The following RBFOX1 variants were observed in gnomAD, a reference collection of about 807,000 sequenced individuals.
The protein encoded by RBFOX1 is RNA binding protein fox-1 homolog 1.
A neutral mutation model predicts 57.7 loss-of-function variants in RBFOX1; 8 were observed. That is an observed-to-expected ratio of 0.14 (90% CI 0.08 to 0.25). RBFOX1 has a LOEUF of 0.25. Among genes scored for constraint, RBFOX1 ranks in the 10% least tolerant of loss-of-function variants. RBFOX1 has a pLI of 1.00. For missense variants in RBFOX1, 611 were observed against 548.5 expected (o/e 1.11, Z -1.14); for synonymous variants, 326 against 222.4 (o/e 1.47, Z -4.15).
intron 1 of RBFOX1, among the ~76,000 whole-genome samples, chr16:6,167,503 G>T (rs192219381): frequency 6.6e-6 from 1 of 151,946 alleles, no homozygotes; most frequent in African/African-American, 2.4e-5. Context: ...TTTGTTTAAC[G>T]GTTTTATTAC....
chr16:7,650,447 C>T (rs970311451), intron 11 of RBFOX1, among the ~76,000 whole-genome samples: 5 of 152,000 alleles, frequency 3.3e-5, no homozygotes, highest in Non-Finnish European at 7.4e-5. Flanking sequence ...CTTGGGAGAG[C>T]CCAAAGAACC....
intron 3 of RBFOX1, among the ~76,000 whole-genome samples, chr16:5,681,820 T>G (rs1028039555): frequency 6.6e-5 from 10 of 152,142 alleles, no homozygotes; most frequent in African/African-American, 2.2e-4. Flanking sequence ...GTGTCTGAGA[T>G]ATTAATATAC....
chr16:6,962,360 A>G (rs1362372510), intron 3 of RBFOX1, among the ~76,000 whole-genome samples: 1 of 152,204 alleles, frequency 6.6e-6, no homozygotes, highest in Non-Finnish European at 1.5e-5. Flanking sequence ...ACACATTCAT[A>G]GGTAGCAAGG....
chr16:6,453,200 T>C (rs1026397261), intron 2 of RBFOX1, among the ~76,000 whole-genome samples: 3 of 152,062 alleles, frequency 2.0e-5, no homozygotes, highest in African/African-American at 7.2e-5. Context: ...GCCACAGTGG[T>C]TTGCTGCACC....
chr16:7,035,877 A>G (rs1438733996), intron 3 of RBFOX1, among the ~76,000 whole-genome samples: 1 of 149,764 alleles, frequency 6.7e-6, no homozygotes, highest in Non-Finnish European at 1.5e-5. Flanking sequence ...GAAGAATGTG[A>G]ACACAGACAC....
At chr16:6,865,723 T>G (rs964908957) in intron 3 of RBFOX1, among the ~76,000 whole-genome samples, 2 of 152,202 alleles carry the variant, frequency 1.3e-5, no homozygotes, top group Admixed American at 1.3e-4. Flanking sequence ...GCCTCTCATT[T>G]GCTATTTTAT....
chr16:7,010,953 G>A (rs962976194), intron 3 of RBFOX1, among the ~76,000 whole-genome samples: 2 of 152,220 alleles, frequency 1.3e-5, no homozygotes, highest in Non-Finnish European at 2.9e-5. Flanking sequence ...AGGGCCTTGG[G>A]CAAGAGGATA....
intron 5 of RBFOX1, among the ~76,000 whole-genome samples, chr16:7,573,770 G>C (rs2093032351): frequency 6.6e-6 from 1 of 151,930 alleles, no homozygotes; most frequent in Admixed American, 6.6e-5. Context: ...GGGAGGCAGA[G>C]GTTGCAGTGA....
At chr16:5,347,648 C>A (rs190347692) in intron 1 of RBFOX1, among the ~76,000 whole-genome samples, 2 of 150,186 alleles carry the variant, frequency 1.3e-5, no homozygotes, top group Non-Finnish European at 3.0e-5. Flanking sequence ...ACCCATCTAC[C>A]CATCTACCCA....
intron 2 of RBFOX1, among the ~76,000 whole-genome samples, chr16:6,394,113 A>C (rs1031080964): frequency 2.0e-5 from 3 of 152,234 alleles, no homozygotes; most frequent in African/African-American, 2.4e-5. Context: ...ACAGGGCACT[A>C]GTGTTCCAAG....
chr16:6,743,422 G>C (rs922784737), intron 3 of RBFOX1, among the ~76,000 whole-genome samples: 10 of 152,148 alleles, frequency 6.6e-5, no homozygotes, highest in African/African-American at 2.4e-4. Context: ...TGTGTTATAA[G>C]AAGCACATTT....
intron 5 of RBFOX1, among the ~76,000 whole-genome samples, chr16:7,531,950 C>A (rs1401082020): frequency 5.3e-5 from 8 of 152,176 alleles, no homozygotes; most frequent in East Asian, 1.9e-4. Context: ...GTGAAAGAGG[C>A]CTTCATACCA....
intron 4 of RBFOX1, among the ~76,000 whole-genome samples, chr16:7,305,084 T>G (rs958212817): frequency 6.6e-6 from 1 of 151,560 alleles, no homozygotes; most frequent in Non-Finnish European, 1.5e-5. Flanking sequence ...GTGAGCTGTT[T>G]AGGATGTTGT....
intron 3 of RBFOX1, chr16:6,705,607 G>A (rs1050006238): frequency 6.6e-6 from 1 of 152,130 alleles, no homozygotes; most frequent in African/African-American, 2.4e-5. Flanking sequence ...ACTCAGCTAT[G>A]AAATATACAA....
intron 7 of RBFOX1, among the ~76,000 whole-genome samples, chr16:7,589,449 G>A (rs1415567144): frequency 6.6e-6 from 1 of 151,882 alleles, no homozygotes; most frequent in Non-Finnish European, 1.5e-5. Flanking sequence ...TCAGGAAAAA[G>A]ACCATTTAAG....
intron 2 of RBFOX1, among the ~76,000 whole-genome samples, chr16:6,392,753 C>G (rs2092661994): frequency 6.6e-6 from 1 of 152,208 alleles, no homozygotes; most frequent in East Asian, 1.9e-4. Flanking sequence ...GCTAAATTCC[C>G]TCCTTCCTTT....
intron 4 of RBFOX1, among the ~76,000 whole-genome samples, chr16:7,330,875 G>C (rs1387412471): frequency 6.6e-6 from 1 of 152,162 alleles, no homozygotes; most frequent in Non-Finnish European, 1.5e-5. Flanking sequence ...CCGTCTCACA[G>C]TGATGCTTCT....
At chr16:6,594,490 G>C (rs982970244) in intron 2 of RBFOX1, among the ~76,000 whole-genome samples, 1 of 152,138 alleles carries the variant, frequency 6.6e-6, no homozygotes, top group Non-Finnish European at 1.5e-5. Context: ...AGGCTGCCCA[G>C]CTCTCACAGA....
At chr16:5,272,712 G>C (rs1264549592) in intron 1 of RBFOX1, among the ~76,000 whole-genome samples, 1 of 152,126 alleles carries the variant, frequency 6.6e-6, no homozygotes, top group Non-Finnish European at 1.5e-5. Flanking sequence ...CTTGGTGTTG[G>C]CCAACTCATT....
Sources: gnomAD v4.1 joint callset for allele counts (sites outside exome capture counted in the v4.1 genomes callset) on GRCh38, gnomAD v4.1.1 for gene constraint, MANE v1.5 for transcripts, NCBI Gene and HGNC (gene_info 2026-07-23, HGNC 2026-07-21) for gene names.